Variants in CDH18 observed in about 807,000 individuals in gnomAD.
CDH18 encodes cadherin 18.
Under a neutral mutation model 67.9 loss-of-function variants are expected in CDH18, and 31 were observed. The observed-to-expected ratio is 0.46, with a 90% confidence interval of 0.34 to 0.62. CDH18 has a LOEUF of 0.62. Ranked by LOEUF, CDH18 falls within the 20% of genes least tolerant of loss-of-function variation. The pLI is 0.01. For synonymous variants in CDH18, 362 were observed against 347.2 expected (o/e 1.04, Z -0.48); for missense variants, 890 against 975.5 (o/e 0.91, Z 1.17).
At chr5:19,805,266 T>C (rs1581427493) in intron 3 of CDH18, among the ~76,000 whole-genome samples, 2 of 152,250 alleles carry the variant, frequency 1.3e-5, no homozygotes, top group East Asian at 3.9e-4. Flanking sequence ...ATCATTCTTA[T>C]ATTATTCTCA....
At chr5:20,045,212 A>C (rs940011051) in intron 2 of CDH18, among the ~76,000 whole-genome samples, 5 of 152,176 alleles carry the variant, frequency 3.3e-5, no homozygotes, top group African/African-American at 1.2e-4. Context: ...TTAATAAAAC[A>C]TTTATTTTTG....
At position 19,471,833 on chromosome 5, in the gene CDH18, T is replaced by C. The variant is rs913109369; in HGVS notation, c.*1393A>G. ...ATATTTTATGCCAGATGCATGTAAATATATATTTATAAGCTAATGAAACTA... is the reference window on the plus strand; with the variant it reads ...ATATTTTATGCCAGATGCATGTAAACATATATTTATAAGCTAATGAAACTA... On this transcript the variant is annotated 3_prime_UTR_variant, in exon 13 of 13. Transcript: ENST00000382275. Among the ~76,000 whole-genome samples, 5 of 152,170 alleles carry C rather than the reference T, an allele frequency of 3.3e-5. No individual in the cohort carries two copies. Among genetic ancestry groups the C allele is most frequent in the Admixed American group, 6.6e-5 (1 of 15,256 alleles).
chr5:20,562,305 C>A (rs577321254), intron 1 of CDH18, among the ~76,000 whole-genome samples: 2 of 151,614 alleles, frequency 1.3e-5, no homozygotes, highest in Non-Finnish European at 1.5e-5. Flanking sequence ...GAGTTTGGTA[C>A]TATACACAAA....
chr5:20,336,639 C>T (rs374399598), intron 1 of CDH18, among the ~76,000 whole-genome samples: 2 of 139,066 alleles, frequency 1.4e-5, no homozygotes, highest in African/African-American at 5.5e-5. Flanking sequence ...AGGAGAATGG[C>T]GTGAACCCGG....
intron 2 of CDH18, among the ~76,000 whole-genome samples, chr5:20,202,738 C>T (rs1246250343): frequency 6.6e-6 from 1 of 151,138 alleles, no homozygotes; most frequent in African/African-American, 2.4e-5. Flanking sequence ...TAGCTTTTAC[C>T]ATTAGCTTTA....
intron 1 of CDH18, among the ~76,000 whole-genome samples, chr5:20,548,283 T>A (rs2126611740): frequency 6.6e-6 from 1 of 151,794 alleles, no homozygotes; most frequent in Admixed American, 6.6e-5. Flanking sequence ...TAGTCATTAC[T>A]CATCTTTCCA....
At chr5:20,246,077 T>C (rs1348513534) in intron 2 of CDH18, among the ~76,000 whole-genome samples, 1 of 152,118 alleles carries the variant, frequency 6.6e-6, no homozygotes, top group African/African-American at 2.4e-5. Flanking sequence ...GAAAATGTTA[T>C]CTACAGATTC....
At chr5:20,380,866 T>C (rs1438496802) in intron 1 of CDH18, among the ~76,000 whole-genome samples, 2 of 152,212 alleles carry the variant, frequency 1.3e-5, no homozygotes, top group African/African-American at 4.8e-5. Flanking sequence ...ATAAATTCTC[T>C]ATAGCTTCAT....
chr5:19,592,050 C>T (rs1014384967), intron 6 of CDH18, among the ~76,000 whole-genome samples: 12 of 152,024 alleles, frequency 7.9e-5, no homozygotes, highest in Admixed American at 6.6e-4. Flanking sequence ...TAGAACTCCC[C>T]TATGATAGTA....
At chr5:19,919,376 A>G (rs994606991) in intron 2 of CDH18, among the ~76,000 whole-genome samples, 1 of 152,054 alleles carries the variant, frequency 6.6e-6, no homozygotes, top group African/African-American at 2.4e-5. Flanking sequence ...GGTTGTAGGA[A>G]CTCCCAATTT....
At chr5:20,290,768 A>T (rs1328853967) in intron 1 of CDH18, among the ~76,000 whole-genome samples, 2 of 152,142 alleles carry the variant, frequency 1.3e-5, no homozygotes. Context: ...CAGGATGGCT[A>T]AAAACGAAAT....
intron 1 of CDH18, among the ~76,000 whole-genome samples, chr5:20,383,284 C>T (rs1744063534): frequency 6.6e-6 from 1 of 152,042 alleles, no homozygotes; most frequent in South Asian, 2.1e-4. Flanking sequence ...AATGTTCAAA[C>T]CAAAATTCTA....
chr5:20,522,531 G>A (rs1755811043), intron 1 of CDH18, among the ~76,000 whole-genome samples: 1 of 152,100 alleles, frequency 6.6e-6, no homozygotes, highest in South Asian at 2.1e-4. Flanking sequence ...TTATAATAGT[G>A]AGGATAATAT....
chr5:19,706,821 C>T (rs1427873706), intron 5 of CDH18, among the ~76,000 whole-genome samples: 1 of 152,098 alleles, frequency 6.6e-6, no homozygotes, highest in Non-Finnish European at 1.5e-5. Context: ...CTCCCTGAAA[C>T]CACAGTCACA....
chr5:19,726,806 G>T (rs1320056914), intron 4 of CDH18, among the ~76,000 whole-genome samples: 2 of 152,128 alleles, frequency 1.3e-5, no homozygotes, highest in Non-Finnish European at 2.9e-5. Context: ...TTCATATGTT[G>T]AAATCCTAAC....
intron 5 of CDH18, among the ~76,000 whole-genome samples, chr5:19,665,630 T>C (rs1046924062): frequency 2.0e-5 from 3 of 151,982 alleles, no homozygotes; most frequent in African/African-American, 7.2e-5. Context: ...TAAATATGTA[T>C]GTAAGTTATA....
At chr5:20,403,567 C>T (rs1159860812) in intron 1 of CDH18, among the ~76,000 whole-genome samples, 1 of 152,132 alleles carries the variant, frequency 6.6e-6, no homozygotes, top group Non-Finnish European at 1.5e-5. Context: ...GGTGTATTGT[C>T]ACTGAGAAGT....
intron 2 of CDH18, among the ~76,000 whole-genome samples, chr5:20,239,837 T>C (rs972436101): frequency 6.6e-6 from 1 of 152,068 alleles, no homozygotes; most frequent in Non-Finnish European, 1.5e-5. Context: ...GTCTCCTGGA[T>C]CTGGGCCTTA....
intron 2 of CDH18, among the ~76,000 whole-genome samples, chr5:20,001,658 T>C (rs1045768814): frequency 6.6e-6 from 1 of 152,182 alleles, no homozygotes; most frequent in Non-Finnish European, 1.5e-5. Flanking sequence ...ATGTCATTAT[T>C]CTTTTTCCTT....
Sources: gnomAD v4.1 joint callset for allele counts (sites outside exome capture counted in the v4.1 genomes callset) on GRCh38, gnomAD v4.1.1 for gene constraint, MANE v1.5 for transcripts, NCBI Gene and HGNC (gene_info 2026-07-23, HGNC 2026-07-21) for gene names.